RFX3: variants seen among roughly 807,000 people sequenced by gnomAD.
The protein encoded by RFX3 is regulatory factor X3.
RFX3 carries 14 observed loss-of-function variants against 98.6 expected under a neutral mutation model. That is an observed-to-expected ratio of 0.14 (90% CI 0.09 to 0.22). The LOEUF is 0.22. Among genes scored for constraint, RFX3 ranks in the 10% least tolerant of loss-of-function variants. The probability of loss-of-function intolerance (pLI) is 1.00; values close to 1 mark genes in which losing one functional copy is unlikely to be tolerated. For synonymous variants in RFX3, 383 were observed against 328.4 expected (o/e 1.17, Z -1.80); for missense variants, 639 against 926.9 (o/e 0.69, Z 4.03).
At chr9:3,478,016 T>C (rs1469151372) in intron 1 of RFX3, among the ~76,000 whole-genome samples, 5 of 152,180 alleles carry the variant, frequency 3.3e-5, no homozygotes, top group African/African-American at 1.2e-4. Context: ...TTATTGATAC[T>C]CTTTCTCTGG....
chr9:3,280,702 T>C (rs1251149152), intron 7 of RFX3, among the ~76,000 whole-genome samples: 1 of 151,684 alleles, frequency 6.6e-6, no homozygotes, highest in Non-Finnish European at 1.5e-5. Flanking sequence ...TCTAGGTAGT[T>C]TTTCAAAAAA....
intron 2 of RFX3, among the ~76,000 whole-genome samples, chr9:3,363,085 G>A (rs1836645357): frequency 6.6e-6 from 1 of 152,154 alleles, no homozygotes; most frequent in African/African-American, 2.4e-5. Flanking sequence ...GGTCCTAGCA[G>A]AGCCTACCAA....
At chr9:3,463,569 A>C (rs1428547569) in intron 1 of RFX3, among the ~76,000 whole-genome samples, 3 of 152,022 alleles carry the variant, frequency 2.0e-5, no homozygotes, top group Non-Finnish European at 4.4e-5. Context: ...AAGCCCACAG[A>C]CTTGGAAAAA....
intron 1 of RFX3, among the ~76,000 whole-genome samples, chr9:3,493,565 T>C (rs1850879406): frequency 6.6e-6 from 1 of 150,840 alleles, no homozygotes; most frequent in South Asian, 2.1e-4. Flanking sequence ...GCGCCTGTAT[T>C]CCCAGCTACT....
At chr9:3,372,854 G>A (rs770612597) in intron 2 of RFX3, among the ~76,000 whole-genome samples, 2 of 151,982 alleles carry the variant, frequency 1.3e-5, no homozygotes, top group Non-Finnish European at 2.9e-5. Context: ...CCAAAGTGCT[G>A]GGATTACATG....
At chr9:3,476,299 G>C (rs774200869) in intron 1 of RFX3, among the ~76,000 whole-genome samples, 19 of 151,730 alleles carry the variant, frequency 1.3e-4, no homozygotes, top group Non-Finnish European at 2.2e-4. Context: ...CTGGTCTCTT[G>C]CCTCGGCATC....
intron 1 of RFX3, among the ~76,000 whole-genome samples, chr9:3,444,184 T>A (rs1167189012): frequency 6.6e-6 from 1 of 152,180 alleles, no homozygotes; most frequent in Non-Finnish European, 1.5e-5. Context: ...CAGGTGAATA[T>A]ATAAACTCAT....
chr9:3,344,577 A>AT lies in RFX3; in HGVS notation c.215+2089dup, dbSNP rs1164549814. On this transcript the variant is annotated intron_variant, in intron 3 of 16. Coordinates refer to ENST00000617270, the MANE Select transcript of RFX3 (RefSeq NM_001282116.2). ...AAATAACTGTGATAGGTACTATACA[A>AT]TTAACTCTCTCAATACCCATTTCAA... Among the ~76,000 whole-genome samples, 19 of 152,286 alleles carry AT rather than the reference A, an allele frequency of 1.2e-4. No individual in the cohort carries two copies. The East Asian group carries it at 3.5e-3, about 28-fold the overall frequency.
intron 6 of RFX3, among the ~76,000 whole-genome samples, chr9:3,288,532 C>T (rs915514001): frequency 6.6e-6 from 1 of 151,956 alleles, no homozygotes; most frequent in Non-Finnish European, 1.5e-5. Flanking sequence ...TTGTTCCATA[C>T]AAATTACATT....
chr9:3,262,624 T>C lies in RFX3; in HGVS notation c.1605+311A>G, dbSNP rs74462490. On this transcript the variant is annotated intron_variant, in intron 13 of 16. Transcript: ENST00000617270. ...CAATTGCCCAAGATCCCACAGCTGGTATATGAGACAGCTTAATTTCTTGCC... is the reference window on the plus strand; with the variant it reads ...CAATTGCCCAAGATCCCACAGCTGGCATATGAGACAGCTTAATTTCTTGCC... Among the ~76,000 whole-genome samples the C allele has an allele frequency of 5.3e-5, 8 of 152,318 alleles. No individual in the cohort carries two copies. In the East Asian group the frequency reaches 1.5e-3, roughly 29 times the overall value.
At chr9:3,434,248 T>G (rs1052195834) in intron 1 of RFX3, among the ~76,000 whole-genome samples, 4 of 152,106 alleles carry the variant, frequency 2.6e-5, no homozygotes, top group African/African-American at 9.7e-5. Flanking sequence ...TGACACGTAA[T>G]AAAGCACTCA....
At chr9:3,250,728 G>A (rs1372038613) in intron 14 of RFX3, among the ~76,000 whole-genome samples, 1 of 151,534 alleles carries the variant, frequency 6.6e-6, no homozygotes, top group Non-Finnish European at 1.5e-5. Flanking sequence ...ACAAGTTATG[G>A]CTCATCCAGA....
chr9:3,308,065 CTTGT>C (rs1342610701), intron 4 of RFX3, among the ~76,000 whole-genome samples: 1 of 151,930 alleles, frequency 6.6e-6, no homozygotes, highest in Non-Finnish European at 1.5e-5. Flanking sequence ...TGAAAATATC[CTTGT>C]TTATTATTTA....
Position 3,225,080 on chromosome 9 carries a change from G to A in RFX3, c.2212C>T (p.Gln738Ter). 1 of 1,613,948 alleles carries A rather than the reference G, an allele frequency of 6.2e-7. No individual in the cohort carries two copies. Among genetic ancestry groups the A allele is most frequent in the Non-Finnish European group, 8.5e-7 (1 of 1,179,914 alleles). The part of the protein sequence containing the change: ...HIVTSTQTIR[Q>*]CSATGNTYTA... ...TAGGTATTTCCTGTAGCGCTGCACTGTCTGATAGTCTGAGTACTTGTGACA... is the reference window on the plus strand; with the variant it reads ...TAGGTATTTCCTGTAGCGCTGCACTATCTGATAGTCTGAGTACTTGTGACA... Residue 738 changes from glutamine to a stop codon, truncating the protein, a stop_gained, in exon 17 of 17, where the codon CAG becomes TAG. Coordinates refer to ENST00000617270, the MANE Select transcript of RFX3 (RefSeq NM_001282116.2). LOFTEE classifies it high-confidence loss of function.
intron 1 of RFX3, among the ~76,000 whole-genome samples, chr9:3,522,422 A>C (rs1004351663): frequency 6.6e-6 from 1 of 152,216 alleles, no homozygotes; most frequent in Non-Finnish European, 1.5e-5. Context: ...TCAGCATTAA[A>C]ACAAAATAAC....
At chr9:3,511,071 A>G (rs1000179168) in intron 1 of RFX3, among the ~76,000 whole-genome samples, 2 of 152,026 alleles carry the variant, frequency 1.3e-5, no homozygotes, top group Non-Finnish European at 2.9e-5. Flanking sequence ...AAAATATATT[A>G]AGTCATACAC....
chr9:3,403,185 T>C (rs1841639998), intron 1 of RFX3, among the ~76,000 whole-genome samples: 1 of 152,040 alleles, frequency 6.6e-6, no homozygotes, highest in Non-Finnish European at 1.5e-5. Flanking sequence ...CCAGTACAAA[T>C]GAAAAAACTA....
At chr9:3,235,296 C>A (rs1818988696) in intron 15 of RFX3, among the ~76,000 whole-genome samples, 1 of 152,150 alleles carries the variant, frequency 6.6e-6, no homozygotes. Flanking sequence ...ATGATGACGG[C>A]TTTCAGCGTG....
At chr9:3,400,929 G>C (rs988817708) in intron 1 of RFX3, among the ~76,000 whole-genome samples, 1 of 152,202 alleles carries the variant, frequency 6.6e-6, no homozygotes, top group Admixed American at 6.5e-5. Flanking sequence ...CTTGATGTCT[G>C]TCTGACTCTA....
Sources: allele counts gnomAD v4.1 joint callset (sites outside exome capture counted in the v4.1 genomes callset), GRCh38; gene constraint gnomAD v4.1.1; transcripts MANE v1.5; gene names NCBI Gene and HGNC (gene_info 2026-07-23, HGNC 2026-07-21).